Variants in LRMDA observed in about 807,000 individuals in gnomAD.
The protein encoded by LRMDA is leucine rich melanocyte differentiation associated, also known as leucine-rich melanocyte differentiation-associated protein.
In LRMDA, 18 loss-of-function variants were observed where a neutral mutation model predicts 29.8. The ratio of observed to expected loss-of-function variants is 0.60; its 90% confidence interval spans 0.42 to 0.90. The LOEUF (loss-of-function observed/expected upper bound fraction) is 0.90. LRMDA is among the 40% of genes least tolerant of loss of function. LRMDA has a pLI of 0.00. For missense variants in LRMDA, 273 were observed against 273.9 expected (o/e 1.00, Z 0.02); for synonymous variants, 125 against 109.4 (o/e 1.14, Z -0.89).
rs5786210 is a variant in LRMDA at position 76,043,552 on chromosome 10, T to TA, written c.259-3598dup. On this transcript the variant is annotated intron_variant, in intron 3 of 6. Coordinates refer to ENST00000611255, the MANE Select transcript of LRMDA (RefSeq NM_001305581.2). Reference sequence around the variant, plus strand: ...GTGTAAATTACCTACTTTTTCAAATTAAAAAAAAAAAAAATCACATGATCA... The same window carrying TA: ...GTGTAAATTACCTACTTTTTCAAATTAAAAAAAAAAAAAAATCACATGATCA... 6.3e-3 allele frequency among the ~76,000 whole-genome samples: 923 copies of TA among 146,754 alleles called. 7 individuals are homozygous for TA. The highest frequency in any genetic ancestry group is 0.018 in the African/African-American group (729 of 39,702).
At chr10:75,729,416 T>C (rs1842668831) in intron 2 of LRMDA, among the ~76,000 whole-genome samples, 1 of 152,220 alleles carries the variant, frequency 6.6e-6, no homozygotes, top group African/African-American at 2.4e-5. Flanking sequence ...GTTCCTGATC[T>C]TTCTTTTGGA....
intron 2 of LRMDA, among the ~76,000 whole-genome samples, chr10:75,937,628 G>A (rs964036247): frequency 1.3e-5 from 2 of 152,208 alleles, no homozygotes; most frequent in African/African-American, 4.8e-5. Flanking sequence ...AGAAATGAAG[G>A]GGGGCAGGAC....
intron 2 of LRMDA, among the ~76,000 whole-genome samples, chr10:75,732,400 A>G (rs974028529): frequency 2.6e-5 from 4 of 152,242 alleles, no homozygotes; most frequent in African/African-American, 9.6e-5. Flanking sequence ...GGAAGCCCCT[A>G]TACCATATGT....
intron 5 of LRMDA, among the ~76,000 whole-genome samples, chr10:76,245,088 C>T (rs1852350471): frequency 6.6e-6 from 1 of 152,104 alleles, no homozygotes; most frequent in South Asian, 2.1e-4. Flanking sequence ...CAGTGTCCAC[C>T]CATGTAGCAC....
chr10:75,612,293 G>A (rs1841042843), intron 2 of LRMDA, among the ~76,000 whole-genome samples: 1 of 152,150 alleles, frequency 6.6e-6, no homozygotes, highest in Non-Finnish European at 1.5e-5. Flanking sequence ...GGGCCCTTTA[G>A]CCTACCTCTT....
intron 2 of LRMDA, among the ~76,000 whole-genome samples, chr10:75,457,178 G>T (rs527552767): frequency 6.6e-6 from 1 of 152,284 alleles, no homozygotes; most frequent in South Asian, 2.1e-4. Context: ...GCTGGTCAGT[G>T]GGGGGACCAA....
At chr10:76,132,873 G>T (rs558952220) in intron 5 of LRMDA, among the ~76,000 whole-genome samples, 86 of 151,596 alleles carry the variant, frequency 5.7e-4, no homozygotes, top group African/African-American at 2.0e-3. Context: ...CACTATCTTG[G>T]CTCACTGCAA....
chr10:75,821,275 A>G (rs1844152818), intron 2 of LRMDA, among the ~76,000 whole-genome samples: 1 of 152,226 alleles, frequency 6.6e-6, no homozygotes, highest in Admixed American at 6.5e-5. Flanking sequence ...ACAGAACACT[A>G]GCAAACTGAA....
intron 2 of LRMDA, among the ~76,000 whole-genome samples, chr10:75,746,374 C>T (rs1210910887): frequency 6.6e-6 from 1 of 152,178 alleles, no homozygotes; most frequent in African/African-American, 2.4e-5. Flanking sequence ...CGTAAAACTA[C>T]TTAAAATTGT....
chr10:76,191,939 T>C (rs4746375), intron 5 of LRMDA, among the ~76,000 whole-genome samples: 10,501 of 152,078 alleles, frequency 0.069, 1,120 homozygotes, highest in African/African-American at 0.23. Context: ...CAAGAACACA[T>C]GGGAGGTACA....
At chr10:76,203,425 A>G (rs1851468995) in intron 5 of LRMDA, among the ~76,000 whole-genome samples, 1 of 152,252 alleles carries the variant, frequency 6.6e-6, no homozygotes, top group East Asian at 1.9e-4. Context: ...TACAGGCATG[A>G]GCCACTGTCC....
At chr10:75,856,613 C>T (rs192530227) in intron 2 of LRMDA, among the ~76,000 whole-genome samples, 1,624 of 152,274 alleles carry the variant, frequency 0.011, 17 homozygotes, top group Non-Finnish European at 0.018. Flanking sequence ...CAGAAAAGGC[C>T]TTTGACAAAA....
chr10:75,978,647 G>T (rs1234285519), intron 2 of LRMDA, among the ~76,000 whole-genome samples: 1 of 152,140 alleles, frequency 6.6e-6, no homozygotes, highest in Non-Finnish European at 1.5e-5. Flanking sequence ...ATTGTCCTGT[G>T]GTTTTGTGAC....
At chr10:75,600,720 G>A (rs1840873631) in intron 2 of LRMDA, among the ~76,000 whole-genome samples, 1 of 152,130 alleles carries the variant, frequency 6.6e-6, no homozygotes, top group South Asian at 2.1e-4. Flanking sequence ...CCACCTATTT[G>A]TATTAAGTGG....
chr10:76,129,049 C>T (rs1849938205), intron 5 of LRMDA, among the ~76,000 whole-genome samples: 1 of 152,188 alleles, frequency 6.6e-6, no homozygotes, highest in South Asian at 2.1e-4. Flanking sequence ...TTCTCAGCAT[C>T]TCCCACTCCT....
chr10:76,019,509 C>T (rs550960127), intron 2 of LRMDA, among the ~76,000 whole-genome samples: 1 of 152,158 alleles, frequency 6.6e-6, no homozygotes, highest in South Asian at 2.1e-4. Context: ...AAAGACAAAA[C>T]TATTGTGTTA....
chr10:75,555,578 G>C (rs1316304807), intron 2 of LRMDA, among the ~76,000 whole-genome samples: 1 of 152,172 alleles, frequency 6.6e-6, no homozygotes, highest in African/African-American at 2.4e-5. Flanking sequence ...CCTACCTTAG[G>C]GGAGACAGTG....
chr10:75,901,247 A>G (rs971694167), intron 2 of LRMDA, among the ~76,000 whole-genome samples: 1 of 152,002 alleles, frequency 6.6e-6, no homozygotes, highest in Non-Finnish European at 1.5e-5. Context: ...ATGGCCTGGC[A>G]TGTTCAACCT....
intron 2 of LRMDA, among the ~76,000 whole-genome samples, chr10:75,973,756 T>G (rs1241067761): frequency 6.6e-6 from 1 of 152,056 alleles, no homozygotes; most frequent in East Asian, 1.9e-4. Context: ...GCAGCTGAAT[T>G]AAGATGAATA....
Sources: gnomAD v4.1 joint callset for allele counts (sites outside exome capture counted in the v4.1 genomes callset) on GRCh38, gnomAD v4.1.1 for gene constraint, MANE v1.5 for transcripts, NCBI Gene and HGNC (gene_info 2026-07-23, HGNC 2026-07-21) for gene names.